The following MRPS10 variants were observed in gnomAD, a reference collection of about 807,000 sequenced individuals.
The protein encoded by MRPS10 is mitochondrial ribosomal protein S10.
MRPS10 carries 23 observed loss-of-function variants against 27.5 expected under a neutral mutation model. That is an observed-to-expected ratio of 0.84 (90% CI 0.60 to 1.18). The LOEUF (loss-of-function observed/expected upper bound fraction) is 1.18. Among genes scored for constraint, MRPS10 ranks in the 50% most tolerant of loss-of-function variants. MRPS10 has a pLI of 0.00. For synonymous variants in MRPS10, 88 were observed against 84.2 expected (o/e 1.04, Z -0.25); for missense variants, 237 against 240.1 (o/e 0.99, Z 0.09).
chr6:42,215,354 C>G (rs1450500740), intron 1 of MRPS10, among the ~76,000 whole-genome samples: 1 of 3,834 alleles, frequency 2.6e-4, no homozygotes, highest in African/African-American at 1.8e-3. Context: ...AGCGAGACTC[C>G]CTCTCAAAAA....
At chr6:42,214,818 C>T (rs1768875550) in intron 1 of MRPS10, among the ~76,000 whole-genome samples, 2 of 152,240 alleles carry the variant, frequency 1.3e-5, no homozygotes, top group East Asian at 3.9e-4. Flanking sequence ...TTAAAGCATA[C>T]ATATTTCTTA....
Position 42,216,385 on chromosome 6 carries a change from A to AGAGAGAGAGAGAGTGTGTGT in MRPS10, c.48+1416_48+1417insACACACACTCTCTCTCTCTC. Among the ~76,000 whole-genome samples the AGAGAGAGAGAGAGTGTGTGT allele has an allele frequency of 6.3e-4, 37 of 58,702 alleles. 2 individuals carry two copies. Among genetic ancestry groups the AGAGAGAGAGAGAGTGTGTGT allele is most frequent in the Non-Finnish European group, 9.2e-4 (23 of 25,018 alleles). The allele number at this position is 58,702 out of a possible 152,430, so 38.5% of individuals were successfully genotyped here. Reference sequence around the variant, plus strand: ...GAGAGAGAGAGAGAGAGAGAGAGAGAGTGTGTGTGTGTGTGTGTGTGTGTG... The same window carrying AGAGAGAGAGAGAGTGTGTGT: ...GAGAGAGAGAGAGAGAGAGAGAGAGAGAGAGAGAGAGAGTGTGTGTGTGTGTGTGTGTGTGTGTGTGTGTG... On this transcript the variant is annotated intron_variant, in intron 1 of 6. Transcript: ENST00000053468.
intron 1 of MRPS10, among the ~76,000 whole-genome samples, chr6:42,217,383 T>C (rs144928949): frequency 6.6e-6 from 1 of 152,312 alleles, no homozygotes; most frequent in African/African-American, 2.4e-5. Context: ...CTTGAGACCT[T>C]CATCTAAATT....
At position 42,210,492 on chromosome 6, in the gene MRPS10, A is replaced by T. The variant is rs1334857025; in HGVS notation, c.428T>A (p.Leu143Ter). 6.9e-7 allele frequency: 1 copy of T among 1,440,114 alleles called. No homozygotes were observed. Among genetic ancestry groups the T allele is most frequent in the African/African-American group, 1.5e-5 (1 of 68,216 alleles). 89.2% of individuals were successfully genotyped at this position (1,440,114 alleles called of 1,614,324 possible). ...QYEMRTLYRC[L>*]ELEHLTGSTA... is the part of the protein sequence containing the mutation. ...GAATTTCTCAAATACACTCACCTCT[A>T]AACATCTGTAAAGTGTTCTCATTTC... Residue 143 changes from leucine (L) to a stop codon, truncating the protein, a stop_gained, in exon 5 of 7, where the codon TTA (leucine) becomes TAA (stop). Transcript: ENST00000053468. LOFTEE classifies it high-confidence loss of function.
chr6:42,209,698 T>C (rs1003062831), intron 5 of MRPS10, among the ~76,000 whole-genome samples: 1 of 134,522 alleles, frequency 7.4e-6, no homozygotes, highest in Non-Finnish European at 1.5e-5. Context: ...TGAGCCTAGA[T>C]TGTGCCACTG....
chr6:42,216,385 A>AGAGAGAGAGAGAGAGAGAGTGTGTGT lies in MRPS10; in HGVS notation c.48+1416_48+1417insACACACACTCTCTCTCTCTCTCTCTC. The stretch of plus-strand genomic sequence containing the variant: ...GAGAGAGAGAGAGAGAGAGAGAGAG[A>AGAGAGAGAGAGAGAGAGAGTGTGTGT]GTGTGTGTGTGTGTGTGTGTGTGTG... On this transcript the variant is annotated intron_variant, in intron 1 of 6. Transcript: ENST00000053468. 8.4e-4 allele frequency among the ~76,000 whole-genome samples: 49 copies of AGAGAGAGAGAGAGAGAGAGTGTGTGT among 58,680 alleles called. 2 individuals carry two copies. The highest frequency in any genetic ancestry group is 7.7e-3 in the Middle Eastern group (1 of 130). 38.5% of individuals were successfully genotyped at this position (58,680 alleles called of 152,430 possible).
intron 4 of MRPS10, among the ~76,000 whole-genome samples, chr6:42,210,957 T>C (rs1403984616): frequency 2.6e-5 from 4 of 152,390 alleles, no homozygotes; most frequent in South Asian, 4.1e-4. Flanking sequence ...GCTGTATGTC[T>C]GTTGTTTTAG....
intron 6 of MRPS10, 84 bp downstream of exon 6, chr6:42,208,774 G>T: frequency 1.1e-6 from 1 of 945,432 alleles, no homozygotes; most frequent in East Asian, 2.6e-5. Flanking sequence ...CAGTGGGCCA[G>T]GACCAGGCTG....
intron 1 of MRPS10, among the ~76,000 whole-genome samples, chr6:42,217,440 A>G (rs1768973525): frequency 6.6e-6 from 1 of 152,162 alleles, no homozygotes; most frequent in South Asian, 2.1e-4. Flanking sequence ...GAAGAGTCTG[A>G]TATCTTGCAC....
intron 4 of MRPS10, among the ~76,000 whole-genome samples, chr6:42,210,842 A>C (rs187657329): frequency 3.9e-5 from 6 of 152,366 alleles, no homozygotes; most frequent in Admixed American, 2.0e-4. Context: ...CAAGTGTGCA[A>C]GCATACACAC....
chr6:42,213,533 T>G (rs1768840798), intron 3 of MRPS10, among the ~76,000 whole-genome samples: 1 of 152,096 alleles, frequency 6.6e-6, no homozygotes, highest in South Asian at 2.1e-4. Flanking sequence ...ACAGACAAAG[T>G]GAGTACCTAC....
chr6:42,212,310 A>C (rs1768803813), intron 3 of MRPS10, among the ~76,000 whole-genome samples: 1 of 152,242 alleles, frequency 6.6e-6, no homozygotes, highest in Non-Finnish European at 1.5e-5. Flanking sequence ...CGGACAAATC[A>C]TATCGTCTCA....
Position 42,208,096 on chromosome 6 carries a change from A to G in MRPS10, c.*193T>C. The G allele has an allele frequency of 1.7e-6, 1 of 584,662 alleles. No individual in the cohort carries two copies. The highest frequency in any genetic ancestry group is 3.0e-6 in the Non-Finnish European group (1 of 334,518). 36.2% of individuals were successfully genotyped at this position (584,662 alleles called of 1,614,324 possible). A position where few individuals can be genotyped will look rare whatever the true frequency, so the allele number is the denominator to read the frequency against. On this transcript the variant is annotated 3_prime_UTR_variant, in exon 7 of 7. Transcript: ENST00000053468. ...TGCTGAAATCAGAACTGAAACAATG[A>G]ATAAAAAGAATAGATAAAAGTGGTT...
intron 1 of MRPS10, among the ~76,000 whole-genome samples, chr6:42,215,362 A>AAAAAAAAAAC (rs1353021431): frequency 2.6e-5 from 4 of 150,948 alleles, no homozygotes; most frequent in Non-Finnish European, 5.9e-5. Context: ...TCCCTCTCAA[A>AAAAAAAAAAC]AAAAAAAAAA....
intron 1 of MRPS10, among the ~76,000 whole-genome samples, chr6:42,216,721 GA>G (rs1345036636): frequency 2.6e-5 from 4 of 151,998 alleles, no homozygotes; most frequent in Admixed American, 2.6e-4. Flanking sequence ...TGAGGTAGGA[GA>G]ATCACTTGAA....
At chr6:42,217,612 A>G (rs1328705838) in intron 1 of MRPS10, among the ~76,000 whole-genome samples, 190 bp downstream of exon 1, 1 of 152,210 alleles carries the variant, frequency 6.6e-6, no homozygotes, top group Admixed American at 6.5e-5. Flanking sequence ...GCCTGGACTC[A>G]CTAACTTATA....
chr6:42,216,385 A>AGAGAGTGTGTGTGTGTGTGTGTGT, intron 1 of MRPS10, among the ~76,000 whole-genome samples: 22 of 58,690 alleles, frequency 3.7e-4, no homozygotes, highest in East Asian at 1.2e-3. Flanking sequence ...AGAGAGAGAG[A>AGAGAGTGTGTGTGTGTGTGTGTGT]GTGTGTGTGT....
At chr6:42,209,125 G>C (rs1768698124) in intron 5 of MRPS10, among the ~76,000 whole-genome samples, 178 bp from the exon 6 acceptor site, 1 of 151,864 alleles carries the variant, frequency 6.6e-6, no homozygotes, top group Non-Finnish European at 1.5e-5. Context: ...CCCCCGAGTG[G>C]CTGGGACTAC....
chr6:42,211,398 G>C (rs748999368), intron 4 of MRPS10, among the ~76,000 whole-genome samples: 1 of 152,068 alleles, frequency 6.6e-6, no homozygotes, highest in African/African-American at 2.4e-5. Flanking sequence ...AGCTCAGACT[G>C]GGCCAGGTGC....
Sources: gnomAD v4.1 joint callset for allele counts (sites outside exome capture counted in the v4.1 genomes callset) on GRCh38, gnomAD v4.1.1 for gene constraint, MANE v1.5 for transcripts, NCBI Gene and HGNC (gene_info 2026-07-23, HGNC 2026-07-21) for gene names.